The following EPHA6 variants were observed in gnomAD, a reference collection of about 807,000 sequenced individuals.
EPHA6 encodes EPH receptor A6, also known as ephrin type-A receptor 6.
Under a neutral mutation model 112.0 loss-of-function variants are expected in EPHA6, and 50 were observed. The observed-to-expected ratio is 0.45, with a 90% CI of 0.36 to 0.56. The LOEUF (loss-of-function observed/expected upper bound fraction) is 0.56. EPHA6 is among the 20% of genes least tolerant of loss of function. The pLI is 0.00. For missense variants in EPHA6, 1,280 were observed against 1,417.4 expected, an observed-to-expected ratio of 0.90 and a Z score of 1.56; for synonymous variants, 529 against 490.7, an observed-to-expected ratio of 1.08 and a Z score of -1.03.
In EPHA6 at chr3:97,541,727, GTTT is replaced by G. The variant is rs59024112; in HGVS notation, c.2386+9195_2386+9197del. Among the ~76,000 whole-genome samples the G allele has an allele frequency of 5.2e-4, 68 of 131,916 alleles. 1 individual carries two copies. The highest frequency in any genetic ancestry group is 4.1e-3 in the Admixed American group (56 of 13,614). The allele number at this position is 131,916 out of a possible 152,430, so 86.5% of individuals were successfully genotyped here. A position where few individuals can be genotyped will look rare whatever the true frequency, so the allele number is the denominator to read the frequency against. On this transcript the variant is annotated intron_variant, in intron 11 of 17. Transcript: ENST00000389672. The stretch of plus-strand genomic sequence containing the variant: ...GGGTGTGTCTTGTTTTCTTTTTTTT[GTTT>G]TTTTTTTTTTGTTTGTTTGTTTTAA...
At chr3:97,275,137 C>T (rs1026647563) in intron 5 of EPHA6, among the ~76,000 whole-genome samples, 2 of 152,066 alleles carry the variant, frequency 1.3e-5, no homozygotes, top group Admixed American at 6.6e-5. Context: ...GGTGTGGTCC[C>T]GGCTCCTGTG....
intron 11 of EPHA6, among the ~76,000 whole-genome samples, chr3:97,546,320 A>T (rs903932944): frequency 6.6e-6 from 1 of 152,162 alleles, no homozygotes; most frequent in Non-Finnish European, 1.5e-5. Flanking sequence ...TCCTTCACTT[A>T]TGAAGCTTAG....
intron 2 of EPHA6, among the ~76,000 whole-genome samples, chr3:96,955,236 C>T (rs543561848): frequency 1.5e-4 from 23 of 152,234 alleles, no homozygotes; most frequent in Non-Finnish European, 2.6e-4. Context: ...TATGTGCTGA[C>T]ATGGTGCCCT....
chr3:96,996,770 T>C (rs769737551), intron 3 of EPHA6, among the ~76,000 whole-genome samples: 4 of 152,116 alleles, frequency 2.6e-5, no homozygotes, highest in Non-Finnish European at 5.9e-5. Context: ...TTTATCATAA[T>C]TCTTACTAGG....
At chr3:97,225,048 C>T (rs1576719083) in intron 3 of EPHA6, among the ~76,000 whole-genome samples, 7 of 152,212 alleles carry the variant, frequency 4.6e-5, no homozygotes, top group South Asian at 4.1e-4. Context: ...CTCCGCCTCC[C>T]GGGTTCACGC....
chr3:97,199,108 C>T (rs72922401), intron 3 of EPHA6, among the ~76,000 whole-genome samples: 4,194 of 152,222 alleles, frequency 0.028, 187 homozygotes, highest in African/African-American at 0.092. Flanking sequence ...AAGTCAGAGA[C>T]GGAGACTTCT....
At chr3:97,349,030 C>T (rs1010734808) in intron 5 of EPHA6, among the ~76,000 whole-genome samples, 3 of 151,872 alleles carry the variant, frequency 2.0e-5, no homozygotes, top group South Asian at 2.1e-4. Flanking sequence ...TTATACTGCC[C>T]GTAAAAATTG....
intron 2 of EPHA6, among the ~76,000 whole-genome samples, chr3:96,891,931 G>T (rs1215962682): frequency 6.6e-6 from 1 of 152,176 alleles, no homozygotes; most frequent in African/African-American, 2.4e-5. Context: ...AGCTGAAGTG[G>T]TCCTTGGAGA....
intron 3 of EPHA6, among the ~76,000 whole-genome samples, chr3:97,022,618 A>G (rs1177452207): frequency 6.6e-6 from 1 of 152,128 alleles, no homozygotes; most frequent in South Asian, 2.1e-4. Context: ...TGACTCAATC[A>G]GATTGCAGTC....
intron 2 of EPHA6, among the ~76,000 whole-genome samples, chr3:96,975,149 A>G (rs576321466): frequency 2.2e-4 from 34 of 152,240 alleles, no homozygotes; most frequent in Admixed American, 2.0e-3. Flanking sequence ...GTGGTCTATA[A>G]GTACCAGATA....
rs151153099 is a variant in EPHA6 at position 97,337,917 on chromosome 3, G to T, written c.1607-67233G>T. On this transcript the variant is annotated intron_variant, in intron 5 of 17. Coordinates refer to ENST00000389672, the MANE Select transcript of EPHA6 (RefSeq NM_001080448.3). The stretch of plus-strand genomic sequence containing the variant: ...GGTGGAGGATGTAGCAATTTACTAA[G>T]CCAGGGAAGACTAGCAGAGAAACTG... 3.1e-3 allele frequency among the ~76,000 whole-genome samples: 478 copies of T among 152,216 alleles called. 3 individuals carry two copies. The highest frequency in any genetic ancestry group is 0.011 in the African/African-American group (452 of 41,542).
At chr3:97,265,221 T>G (rs929673311) in intron 5 of EPHA6, among the ~76,000 whole-genome samples, 1 of 152,166 alleles carries the variant, frequency 6.6e-6, no homozygotes, top group African/African-American at 2.4e-5. Flanking sequence ...TCCACGGGAC[T>G]GGAAGCCCTC....
At chr3:97,498,509 TA>T (rs1157569768) in intron 10 of EPHA6, among the ~76,000 whole-genome samples, 1 of 152,158 alleles carries the variant, frequency 6.6e-6, no homozygotes, top group African/African-American at 2.4e-5. Context: ...GGAAGAGAGT[TA>T]AATTTTATTT....
chr3:97,238,875 T>C (rs1326495202), intron 4 of EPHA6, among the ~76,000 whole-genome samples: 3 of 151,930 alleles, frequency 2.0e-5, no homozygotes, highest in African/African-American at 7.2e-5. Flanking sequence ...ATGAAGACAC[T>C]TGTAGACAAA....
intron 3 of EPHA6, among the ~76,000 whole-genome samples, chr3:97,117,100 A>T (rs774802285): frequency 1.3e-5 from 2 of 151,628 alleles, no homozygotes; most frequent in African/African-American, 4.8e-5. Flanking sequence ...CATGTTTCAT[A>T]TACCTATTGG....
chr3:97,686,911 AG>A (rs1435635306), intron 14 of EPHA6, among the ~76,000 whole-genome samples: 2 of 152,186 alleles, frequency 1.3e-5, no homozygotes, highest in Non-Finnish European at 2.9e-5. Flanking sequence ...CCAGTGGCAC[AG>A]CAAAAAATAT....
chr3:97,674,764 T>G (rs1469299185), intron 14 of EPHA6, among the ~76,000 whole-genome samples: 1 of 152,248 alleles, frequency 6.6e-6, no homozygotes, highest in Non-Finnish European at 1.5e-5. Context: ...TTCACTGCTA[T>G]CATCTAAAGC....
chr3:96,869,308 A>T (rs2036504218), intron 2 of EPHA6, among the ~76,000 whole-genome samples: 1 of 151,854 alleles, frequency 6.6e-6, no homozygotes, highest in Non-Finnish European at 1.5e-5. Context: ...TTGTGAAAGA[A>T]TAATAAAAGG....
At position 97,568,691 on chromosome 3, in the gene EPHA6, T is replaced by C. The variant is rs1023381093; in HGVS notation, c.2387-23921T>C. Among the ~76,000 whole-genome samples, 4 of 152,178 alleles carry C rather than the reference T, an allele frequency of 2.6e-5. No homozygotes were observed. In the South Asian group the frequency reaches 8.3e-4, roughly 31 times the overall value. ...GAGCTCCCTTTTTTCCCCACTGTAG[T>C]CTACTCAAATATCTACTGTTACAAG... On this transcript the variant is annotated intron_variant, in intron 11 of 17. Transcript: ENST00000389672.
Sources: allele counts gnomAD v4.1 joint callset (sites outside exome capture counted in the v4.1 genomes callset), GRCh38; gene constraint gnomAD v4.1.1; transcripts MANE v1.5; gene names NCBI Gene and HGNC (gene_info 2026-07-23, HGNC 2026-07-21).